Variants in ADAM23 observed in about 807,000 individuals in gnomAD.
The protein encoded by ADAM23 is disintegrin and metalloproteinase domain-containing protein 23.
In ADAM23, 33 loss-of-function variants were observed where a neutral mutation model predicts 120.1. The ratio of observed to expected loss-of-function variants is 0.27; its 90% CI spans 0.21 to 0.37. The LOEUF is 0.37. ADAM23 is among the 10% of genes least tolerant of loss of function. The pLI, the probability that ADAM23 is intolerant of heterozygous loss-of-function variation, is 1.00. For missense variants in ADAM23, 862 were observed against 1,058.2 expected (o/e 0.81, Z 2.57); for synonymous variants, 367 against 375.2 (o/e 0.98, Z 0.25).
chr2:206,524,974 A>G (rs1054913869), intron 3 of ADAM23, among the ~76,000 whole-genome samples: 2 of 152,158 alleles, frequency 1.3e-5, no homozygotes, highest in African/African-American at 4.8e-5. Context: ...CTGACCTTCC[A>G]TGTAGAACTC....
intron 24 of ADAM23, among the ~76,000 whole-genome samples, chr2:206,604,281 GA>G (rs1190094937): frequency 2.0e-5 from 3 of 151,642 alleles, no homozygotes; most frequent in African/African-American, 4.8e-5. Flanking sequence ...AAAGAAAAAA[GA>G]AAAAAAAGTT....
At chr2:206,483,500 G>C (rs1921672) in intron 3 of ADAM23, among the ~76,000 whole-genome samples, 42,230 of 151,814 alleles carry the variant, frequency 0.28, 6,008 homozygotes, top group South Asian at 0.32. Flanking sequence ...TGAGGTTACC[G>C]AGGGAGGGTA....
At chr2:206,511,214 G>A (rs546560403) in intron 3 of ADAM23, among the ~76,000 whole-genome samples, 2 of 151,672 alleles carry the variant, frequency 1.3e-5, no homozygotes, top group Admixed American at 6.6e-5. Context: ...GTTCTTTTAT[G>A]ATGTCTCTTT....
chr2:206,533,891 G>A (rs1697123160), intron 4 of ADAM23, among the ~76,000 whole-genome samples: 1 of 152,190 alleles, frequency 6.6e-6, no homozygotes, highest in Non-Finnish European at 1.5e-5. Flanking sequence ...AAGAACTTTT[G>A]TTCTGCACTT....
intron 2 of ADAM23, among the ~76,000 whole-genome samples, chr2:206,474,604 C>A (rs1462999631): frequency 1.3e-5 from 2 of 152,068 alleles, no homozygotes; most frequent in Non-Finnish European, 2.9e-5. Flanking sequence ...GAGAATGGGT[C>A]TCATTCTGTC....
At chr2:206,586,604 A>AT (rs1389300598) in intron 18 of ADAM23, among the ~76,000 whole-genome samples, 3 of 151,880 alleles carry the variant, frequency 2.0e-5, no homozygotes, top group African/African-American at 7.3e-5. Flanking sequence ...ATGCCTGCAT[A>AT]TTTTTTTCTT....
rs539886413 is a variant in ADAM23 at position 206,512,723 on chromosome 2, A to G, written c.510-18162A>G. ...ATAAAATGAGTGCACAGATATACCTAGTTTTATGTTCTTCACTTAATTGTG... is the reference window on the plus strand; with the variant it reads ...ATAAAATGAGTGCACAGATATACCTGGTTTTATGTTCTTCACTTAATTGTG... On this transcript the variant is annotated intron_variant, in intron 3 of 25. Transcript: ENST00000264377. 2.6e-5 allele frequency among the ~76,000 whole-genome samples: 4 copies of G among 152,218 alleles called. No individual in the cohort carries two copies. In the East Asian group the frequency reaches 5.8e-4, roughly 22 times the overall value.
At chr2:206,471,662 A>G (rs552467269) in intron 2 of ADAM23, among the ~76,000 whole-genome samples, 3 of 152,266 alleles carry the variant, frequency 2.0e-5, no homozygotes, top group African/African-American at 7.2e-5. Context: ...GAAAGACAAA[A>G]TATGTTCTTG....
rs923209264 is a variant in ADAM23 at position 206,573,125 on chromosome 2, G to A, written c.1667G>A (p.Arg556Gln). ...CNNTSCLFQP[R>Q]GYECRDAVNE... is the part of the protein sequence containing the mutation. ...AATTTTGATTTGCAGTTTCAGCCACGAGGGTATGAATGCCGGGATGCTGTG... is the reference window on the plus strand; with the variant it reads ...AATTTTGATTTGCAGTTTCAGCCACAAGGGTATGAATGCCGGGATGCTGTG... Residue 556 changes from arginine (R) to glutamine (Q), a missense_variant, in exon 18 of 26, where the codon CGA becomes CAA. Arg to Gln is a conservative substitution (Grantham distance 43). Transcript: ENST00000264377. The A allele has an allele frequency of 1.9e-6, 3 of 1,613,946 alleles. No homozygotes were observed. Among genetic ancestry groups the A allele is most frequent in the Non-Finnish European group, 2.5e-6 (3 of 1,179,866 alleles).
chr2:206,446,418 C>T (rs902951916), intron 2 of ADAM23, among the ~76,000 whole-genome samples: 10 of 152,080 alleles, frequency 6.6e-5, no homozygotes, highest in Admixed American at 3.9e-4. Flanking sequence ...TGTACTTGTT[C>T]AGGTGAGAAC....
At chr2:206,568,127 T>C (rs775401947) in intron 15 of ADAM23, among the ~76,000 whole-genome samples, 9 of 152,148 alleles carry the variant, frequency 5.9e-5, no homozygotes, top group Non-Finnish European at 1.3e-4. Flanking sequence ...ACTTTTGTTT[T>C]TTTTTGAGTG....
At chr2:206,490,122 T>C (rs1437243883) in intron 3 of ADAM23, among the ~76,000 whole-genome samples, 6 of 152,108 alleles carry the variant, frequency 3.9e-5, no homozygotes, top group Middle Eastern at 3.2e-3. Context: ...AAGAGAAAGT[T>C]TGGACACAGA....
chr2:206,533,302 A>G (rs1038693275), intron 4 of ADAM23, among the ~76,000 whole-genome samples: 6 of 152,124 alleles, frequency 3.9e-5, no homozygotes, highest in Non-Finnish European at 7.4e-5. Flanking sequence ...TCTGGTTTCA[A>G]GCGATTCTCC....
At chr2:206,582,704 GTTTCAAGAT>G (rs1388390459) in intron 18 of ADAM23, among the ~76,000 whole-genome samples, 8 of 152,130 alleles carry the variant, frequency 5.3e-5, no homozygotes, top group African/African-American at 1.9e-4. Context: ...TCCAGGATTT[GTTTCAAGAT>G]TTAGAGCTCC....
chr2:206,469,679 C>G (rs571304929), intron 2 of ADAM23, among the ~76,000 whole-genome samples: 1 of 152,286 alleles, frequency 6.6e-6, no homozygotes, highest in South Asian at 2.1e-4. Context: ...ATACAGTGGC[C>G]CACAAGGTGC....
rs757418292 is a variant in ADAM23 at position 206,587,305 on chromosome 2, A to G, written c.1738-20A>G. ...GTACCTAGCATGCTGAATATTAACT[A>G]AAAAGATAATATTTTGCAGTGCCCA... On this transcript the variant is annotated intron_variant, in intron 18 of 25. Coordinates refer to ENST00000264377, the MANE Select transcript of ADAM23 (RefSeq NM_003812.4). 1 of 1,582,506 alleles carries G rather than the reference A, an allele frequency of 6.3e-7. No homozygotes were observed. The highest frequency in any genetic ancestry group is 1.1e-5 in the South Asian group (1 of 87,350).
intron 11 of ADAM23, 30 bp from the exon 12 acceptor site, chr2:206,561,098 G>T: frequency 2.5e-6 from 4 of 1,601,244 alleles, no homozygotes; most frequent in South Asian, 1.1e-5. Flanking sequence ...CCACCACGTT[G>T]GTTTTCTGAT....
At chr2:206,473,068 T>C (rs1695693964) in intron 2 of ADAM23, among the ~76,000 whole-genome samples, 1 of 152,100 alleles carries the variant, frequency 6.6e-6, no homozygotes, top group South Asian at 2.1e-4. Context: ...GCATGTATGT[T>C]TCCCCCCTAC....
chr2:206,503,189 C>T (rs1406378980), intron 3 of ADAM23, among the ~76,000 whole-genome samples: 2 of 152,134 alleles, frequency 1.3e-5, no homozygotes, highest in African/African-American at 4.8e-5. Context: ...CACTGATCTC[C>T]TCTTGAGCAA....
Sources: gnomAD v4.1 joint callset for allele counts (sites outside exome capture counted in the v4.1 genomes callset) on GRCh38, gnomAD v4.1.1 for gene constraint, MANE v1.5 for transcripts, NCBI Gene and HGNC (gene_info 2026-07-23, HGNC 2026-07-21) for gene names.